The following IL12RB2 variants were observed in gnomAD, a reference collection of about 807,000 sequenced individuals.
IL12RB2 encodes the protein interleukin 12 receptor subunit beta 2, also known as interleukin-12 receptor subunit beta-2.
Under a neutral mutation model 89.4 loss-of-function variants are expected in IL12RB2, and 82 were observed. The observed-to-expected ratio is 0.92, with a 90% CI of 0.77 to 1.10. The LOEUF is 1.10. Among genes scored for constraint, IL12RB2 ranks in the 50% least tolerant of loss-of-function variants. The pLI, the probability that IL12RB2 is intolerant of heterozygous loss-of-function variation, is 0.00. For synonymous variants in IL12RB2, 368 were observed against 370.1 expected, an observed-to-expected ratio of 0.99 and a Z score of 0.07; for missense variants, 963 against 1,031.9, an observed-to-expected ratio of 0.93 and a Z score of 0.92.
chr1:67,375,347 A>G (rs549304796), intron 13 of IL12RB2, among the ~76,000 whole-genome samples: 4 of 152,270 alleles, frequency 2.6e-5, no homozygotes, highest in African/African-American at 9.6e-5. Flanking sequence ...GTAAGCTGAA[A>G]TCGCACCACT....
rs548724107 is a variant in IL12RB2 at position 67,368,130 on chromosome 1, A to G, written c.1459+105A>G. On this transcript the variant is annotated intron_variant, in intron 11 of 16. Transcript: ENST00000674203. ...CCTGCCTTCAATTACAGGTGGCTAC[A>G]TGATGAGAGAGACTGATGACCTAGA... 6.6e-6 allele frequency: 5 copies of G among 753,502 alleles called. No homozygotes were observed. In the East Asian group the frequency reaches 7.9e-5, roughly 12 times the overall value. 46.7% of individuals were successfully genotyped at this position (753,502 alleles called of 1,614,324 possible).
intron 13 of IL12RB2, among the ~76,000 whole-genome samples, chr1:67,374,209 T>C (rs969335316): frequency 2.0e-5 from 3 of 152,206 alleles, no homozygotes; most frequent in Non-Finnish European, 4.4e-5. Context: ...TTTTATCATC[T>C]CTGTAGTATG....
chr1:67,310,892 T>C (rs1654961465), intron 1 of IL12RB2, among the ~76,000 whole-genome samples: 1 of 152,098 alleles, frequency 6.6e-6, no homozygotes, highest in African/African-American at 2.4e-5. Context: ...GCCCAGCTAA[T>C]TTTTGTATTT....
At chr1:67,342,606 T>C (rs768964173) in intron 9 of IL12RB2, among the ~76,000 whole-genome samples, 30 of 151,982 alleles carry the variant, frequency 2.0e-4, no homozygotes, top group Non-Finnish European at 3.4e-4. Context: ...TGTGTATGTA[T>C]GAATGGGTGC....
chr1:67,367,883 G>A lies in IL12RB2; in HGVS notation c.1317G>A (p.Val439=), dbSNP rs773518253. 1.4e-4 allele frequency: 223 copies of A among 1,610,162 alleles called. No individual in the cohort carries two copies. In the Middle Eastern group the frequency reaches 2.1e-3, roughly 15 times the overall value. The part of the protein sequence containing the change: ...ANSEGMDNIL[V]TWQPPRKDPS... ...CAGAGGGCATGGACAACATTCTGGT[G>A]ACTTGGCAGCCTCCCAGGAAAGATC... Residue 439 remains valine (V), a synonymous_variant, in exon 11 of 17, where the codon GTG becomes GTA. Coordinates refer to ENST00000674203, the MANE Select transcript of IL12RB2 (RefSeq NM_001374259.2).
At chr1:67,336,817 T>G (rs556692956) in intron 8 of IL12RB2, among the ~76,000 whole-genome samples, 1 of 152,342 alleles carries the variant, frequency 6.6e-6, no homozygotes, top group South Asian at 2.1e-4. Flanking sequence ...GCATCTCTGA[T>G]GATTAGTTCT....
rs777829908 is a variant in IL12RB2 at position 67,320,351 on chromosome 1, T to C, written c.-18T>C. 2 of 1,613,934 alleles carry C rather than the reference T, an allele frequency of 1.2e-6. No individual in the cohort carries two copies. Among genetic ancestry groups the C allele is most frequent in the Non-Finnish European group, 1.7e-6 (2 of 1,179,886 alleles). On this transcript the variant is annotated 5_prime_UTR_variant, in exon 3 of 17. Transcript: ENST00000674203. ...TTGCAAGGAAGAATACGGAGTTCTA[T>C]ACCAGAGTTGATTGTTGATGGCACA...
chr1:67,318,601 A>G (rs1656094986), intron 2 of IL12RB2, among the ~76,000 whole-genome samples: 1 of 152,182 alleles, frequency 6.6e-6, no homozygotes, highest in Admixed American at 6.5e-5. Flanking sequence ...GGTTAGAATC[A>G]AAGATGACTT....
chr1:67,381,101 G>A (rs1245326751), intron 14 of IL12RB2, among the ~76,000 whole-genome samples: 1 of 152,096 alleles, frequency 6.6e-6, no homozygotes, highest in Non-Finnish European at 1.5e-5. Context: ...AATATGAAAT[G>A]AATTTAAAAA....
intron 10 of IL12RB2, among the ~76,000 whole-genome samples, chr1:67,359,800 T>A (rs1661787533): frequency 6.6e-6 from 1 of 152,076 alleles, no homozygotes; most frequent in African/African-American, 2.4e-5. Context: ...CATTCTGTCA[T>A]AATAACAAGT....
At chr1:67,376,960 T>C (rs1435282511) in intron 13 of IL12RB2, among the ~76,000 whole-genome samples, 1 of 152,198 alleles carries the variant, frequency 6.6e-6, no homozygotes, top group Non-Finnish European at 1.5e-5. Flanking sequence ...ATAGCTTAAG[T>C]CTATGCAAGC....
At chr1:67,384,325 T>A (rs1664916210) in intron 14 of IL12RB2, among the ~76,000 whole-genome samples, 1 of 152,234 alleles carries the variant, frequency 6.6e-6, no homozygotes, top group African/African-American at 2.4e-5. Context: ...TTGCACCCTA[T>A]GAAGCAACGG....
chr1:67,380,589 T>A (rs570330416), intron 14 of IL12RB2, among the ~76,000 whole-genome samples: 31 of 152,352 alleles, frequency 2.0e-4, no homozygotes, highest in Non-Finnish European at 4.4e-4. Flanking sequence ...GCGCTTTGTA[T>A]ACTACATTAA....
intron 16 of IL12RB2, among the ~76,000 whole-genome samples, chr1:67,393,943 G>C (rs1266527397): frequency 6.6e-6 from 1 of 152,184 alleles, no homozygotes; most frequent in Non-Finnish European, 1.5e-5. Context: ...TAAAAAAAGT[G>C]ACAGCACAAA....
intron 8 of IL12RB2, among the ~76,000 whole-genome samples, chr1:67,333,389 C>CT (rs546599054): frequency 0.044 from 5,407 of 124,010 alleles, 133 homozygotes; most frequent in Admixed American, 0.066. Flanking sequence ...TAATAGTAAG[C>CT]TTTTTTTTTT....
chr1:67,375,847 C>CTTTTTTT (rs1211630762), intron 13 of IL12RB2, among the ~76,000 whole-genome samples: 4 of 136,044 alleles, frequency 2.9e-5, no homozygotes, highest in Non-Finnish European at 4.8e-5. Context: ...TTTTCTTTTT[C>CTTTTTTT]TTTTTTTTTT....
rs72932823 is a variant in IL12RB2 at position 67,377,126 on chromosome 1, A to G, written c.1718-2860A>G. 6.5e-3 allele frequency among the ~76,000 whole-genome samples: 989 copies of G among 152,308 alleles called. 13 individuals are homozygous for G. The highest frequency in any genetic ancestry group is 0.022 in the African/African-American group (901 of 41,560). On this transcript the variant is annotated intron_variant, in intron 13 of 16. Transcript: ENST00000674203. Reference sequence around the variant, plus strand: ...AGTAGAGGTAATATTATAGGACTTCATCTTGCTGATTACCCATAGTAAGCA... The same window carrying G: ...AGTAGAGGTAATATTATAGGACTTCGTCTTGCTGATTACCCATAGTAAGCA...
At position 67,397,987 on chromosome 1, in the gene IL12RB2, T is replaced by TTGCTC. The variant is rs1666461698; in HGVS notation, c.*1903_*1907dup. Among the ~76,000 whole-genome samples, 1 of 152,252 alleles carries TTGCTC rather than the reference T, an allele frequency of 6.6e-6. No homozygotes were observed. Among genetic ancestry groups the TTGCTC allele is most frequent in the South Asian group, 2.1e-4 (1 of 4,836 alleles). ...GCTCTAGAAACTGAGCGATGGACAG[T>TTGCTC]TGCTCTGCTTCTTCAGGTTGGAACT... is the stretch of plus-strand genomic sequence containing the variant. On this transcript the variant is annotated 3_prime_UTR_variant, in exon 17 of 17. Transcript: ENST00000674203.
At chr1:67,386,872 T>A (rs5774870) in intron 15 of IL12RB2, among the ~76,000 whole-genome samples, 18 of 48,448 alleles carry the variant, frequency 3.7e-4, no homozygotes, top group African/African-American at 9.6e-4. Flanking sequence ...GAAATGTATT[T>A]TATATATATA....
Sources: gnomAD v4.1 joint callset for allele counts (sites outside exome capture counted in the v4.1 genomes callset) on GRCh38, gnomAD v4.1.1 for gene constraint, MANE v1.5 for transcripts, NCBI Gene and HGNC (gene_info 2026-07-23, HGNC 2026-07-21) for gene names.